The following DMD variants were observed in gnomAD, a reference collection of about 807,000 sequenced individuals.
DMD encodes the protein dystrophin.
A neutral mutation model predicts 330.1 loss-of-function variants in DMD; 63 were observed. The ratio of observed to expected loss-of-function variants is 0.19; its 90% CI spans 0.16 to 0.24. DMD has a LOEUF of 0.24. Ranked by LOEUF, DMD falls within the 10% of genes least tolerant of loss-of-function variation. DMD has a pLI of 1.00. For synonymous variants in DMD, 1,223 were observed against 959.8 expected (o/e 1.27, Z -5.07); for missense variants, 3,344 against 2,684.1 (o/e 1.25, Z -5.43).
chrX:31,713,750 G>C (rs1164266335), intron 52 of DMD, among the ~76,000 whole-genome samples: 2 of 111,402 alleles, frequency 1.8e-5, no homozygotes, highest in Non-Finnish European at 3.8e-5. Context: ...TGTAATGAAA[G>C]AGGCTGTATC....
At chrX:32,202,483 C>T (rs1469272093) in intron 44 of DMD, among the ~76,000 whole-genome samples, 2 of 111,740 alleles carry the variant, frequency 1.8e-5, no homozygotes, top group Non-Finnish European at 3.8e-5. Flanking sequence ...TCCCAAGTAG[C>T]TGGGACTCTA....
chrX:33,113,099 G>T (rs1221599279), intron 1 of DMD, among the ~76,000 whole-genome samples: 1 of 104,143 alleles, frequency 9.6e-6, no homozygotes, highest in East Asian at 3.1e-4. Flanking sequence ...TGTCGCCCAG[G>T]CTGGAGTGCA....
rs1369777872 is a variant in DMD at position 31,496,780 on chromosome X, T to C, written c.8547+8A>G. The C allele has an allele frequency of 8.3e-7, 1 of 1,212,083 alleles. No homozygotes were observed. On this transcript the variant is annotated splice_region_variant and intron_variant, in intron 57 of 78. Transcript: ENST00000357033. ...ATGTGCAAGGCACGAGGCTTAAAAA[T>C]GTCCTACCCTATGTACATCGTTCTG... is the stretch of plus-strand genomic sequence containing the variant.
chrX:33,083,794 C>T (rs997419244), intron 1 of DMD, among the ~76,000 whole-genome samples: 1 of 111,494 alleles, frequency 9.0e-6, no homozygotes, highest in Non-Finnish European at 1.9e-5. Context: ...CAGTAGTCTT[C>T]CTACTAGTTA....
At chrX:32,492,182 C>G in intron 19 of DMD, among the ~76,000 whole-genome samples, 1 of 111,132 alleles carries the variant, frequency 9.0e-6, no homozygotes, top group South Asian at 3.8e-4. Flanking sequence ...ACTAAAAATA[C>G]AAAAAATTAG....
rs776699637 is a variant in DMD at position 31,224,606 on chromosome X, CAT to C, written c.9287-1487_9287-1486del. ...GCAGTTTCTTATGAAATTAAACACA[CAT>C]GTATATTATGACTCAAATATTCTTT... On this transcript the variant is annotated intron_variant, in intron 63 of 78. Coordinates refer to ENST00000357033, the MANE Select transcript of DMD (RefSeq NM_004006.3). Among the ~76,000 whole-genome samples the C allele has an allele frequency of 2.7e-5, 3 of 111,364 alleles. No individual in the cohort carries two copies. The East Asian group carries it at 8.4e-4, about 31-fold the overall frequency.
At chrX:32,584,314 C>A (rs1489249603) in intron 13 of DMD, among the ~76,000 whole-genome samples, 1 of 111,842 alleles carries the variant, frequency 8.9e-6, no homozygotes, top group Non-Finnish European at 1.9e-5. Context: ...TTTGTACTTT[C>A]ATTTACTACT....
rs754992621 is a variant in DMD, at chrX:31,126,631, A to T, written c.11046+11T>A. ...ACAGAAGCCATGGCCGTGAGCCTGA[A>T]TCTCACTAACCTCTCTCATTGGCTT... is the stretch of plus-strand genomic sequence containing the variant. On this transcript the variant is annotated intron_variant, in intron 78 of 78. Coordinates refer to ENST00000357033, the MANE Select transcript of DMD (RefSeq NM_004006.3). 2 of 1,198,382 alleles carry T rather than the reference A, an allele frequency of 1.7e-6. No individual in the cohort carries two copies. Among genetic ancestry groups the T allele is most frequent in the Non-Finnish European group, 2.3e-6 (2 of 883,511 alleles).
Position 33,245,663 on chromosome X carries a change from A to G in DMD, c.7+93596T>C, listed in dbSNP as rs769341985. 2.0e-4 allele frequency among the ~76,000 whole-genome samples: 23 copies of G among 112,325 alleles called. 1 individual carries two copies. In the South Asian group the frequency reaches 5.1e-3, roughly 25 times the overall value. ...GCATGAAGTGCTAGAATCTCAGTTTAAATGAATGCAGTGGCTACTTCTAAA... is the reference window on the plus strand; with the variant it reads ...GCATGAAGTGCTAGAATCTCAGTTTGAATGAATGCAGTGGCTACTTCTAAA... On this transcript the variant is annotated intron_variant, in intron 1 of 17. Coordinates refer to the DMD transcript ENST00000288447.
chrX:31,883,750 C>T (rs2094110341), intron 47 of DMD, among the ~76,000 whole-genome samples: 1 of 111,086 alleles, frequency 9.0e-6, no homozygotes, highest in Non-Finnish European at 1.9e-5. Context: ...ATATTAATGA[C>T]ATATTAAAAA....
At chrX:32,244,646 T>G (rs112755299) in intron 43 of DMD, among the ~76,000 whole-genome samples, 1 of 83,887 alleles carries the variant, frequency 1.2e-5, no homozygotes, top group African/African-American at 4.6e-5. Flanking sequence ...TTTGAATGAT[T>G]GCCATTCTAA....
intron 45 of DMD, among the ~76,000 whole-genome samples, chrX:31,961,827 G>A (rs183451732): frequency 2.1e-5 from 2 of 95,386 alleles, no homozygotes; most frequent in Admixed American, 1.3e-4. Context: ...GTCATTCAAA[G>A]CTTCAGACAT....
At chrX:32,528,908 T>C (rs1448741846) in intron 17 of DMD, among the ~76,000 whole-genome samples, 1 of 88,801 alleles carries the variant, frequency 1.1e-5, no homozygotes, top group Non-Finnish European at 2.1e-5. Context: ...TGTATTTCTT[T>C]TTTTTTTTTT....
At chrX:32,882,536 ATAT>A (rs1330231948) in intron 2 of DMD, among the ~76,000 whole-genome samples, 1 of 112,150 alleles carries the variant, frequency 8.9e-6, no homozygotes, top group Non-Finnish European at 1.9e-5. Flanking sequence ...CAAAGACCAC[ATAT>A]TATATTCCAC....
At chrX:32,613,809 A>G (rs2057358175) in intron 12 of DMD, among the ~76,000 whole-genome samples, 1 of 111,771 alleles carries the variant, frequency 8.9e-6, no homozygotes, top group Non-Finnish European at 1.9e-5. Context: ...AAAAACAACA[A>G]CAAATGTCTT....
In DMD at chrX:32,365,032, T is replaced by C. The variant is rs747877998; in HGVS notation, c.5013A>G (p.Leu1671=). The C allele has an allele frequency of 2.5e-5, 30 of 1,210,880 alleles. No homozygotes were observed. The South Asian group carries it at 5.1e-4, about 21-fold the overall frequency. Residue 1671 remains leucine, a synonymous_variant, in exon 35 of 79, where the codon TTA becomes TTG. Coordinates refer to ENST00000357033, the MANE Select transcript of DMD (RefSeq NM_004006.3). The part of the protein sequence containing the change: ...IAVTSRAEEW[L]NLLLEYQKHM... ...CCTTTTCTCTTACCAACAAAAGATTTAACCACTCTTCTGCTCGGGAGGTGA... is the reference window on the plus strand; with the variant it reads ...CCTTTTCTCTTACCAACAAAAGATTCAACCACTCTTCTGCTCGGGAGGTGA...
At chrX:32,185,300 A>G (rs951163337) in intron 44 of DMD, among the ~76,000 whole-genome samples, 1 of 111,250 alleles carries the variant, frequency 9.0e-6, no homozygotes, top group African/African-American at 3.3e-5. Context: ...TGATTTAGAA[A>G]CAACATTGCC....
chrX:31,477,866 A>G (rs949090255), intron 59 of DMD, among the ~76,000 whole-genome samples: 1 of 111,783 alleles, frequency 8.9e-6, no homozygotes, highest in African/African-American at 3.3e-5. Context: ...TATCAAAGTC[A>G]AAGTGATTTC....
At chrX:31,826,323 A>C (rs1032809130) in intron 49 of DMD, among the ~76,000 whole-genome samples, 4 of 112,238 alleles carry the variant, frequency 3.6e-5, no homozygotes, top group Non-Finnish European at 7.5e-5. Flanking sequence ...CAATAAGCTC[A>C]GAACTGTATA....
Sources: gnomAD v4.1 joint callset for allele counts (sites outside exome capture counted in the v4.1 genomes callset) on GRCh38, gnomAD v4.1.1 for gene constraint, MANE v1.5 for transcripts, NCBI Gene and HGNC (gene_info 2026-07-23, HGNC 2026-07-21) for gene names.